The following UGT2B11 variants were observed in gnomAD, a reference collection of about 807,000 sequenced individuals.
UGT2B11 encodes UDP-glucuronosyltransferase 2B11.
A neutral mutation model predicts 51.7 loss-of-function variants in UGT2B11; 49 were observed. The ratio of observed to expected loss-of-function variants is 0.95; its 90% confidence interval spans 0.75 to 1.20. The LOEUF (loss-of-function observed/expected upper bound fraction) is 1.20. Ranked by LOEUF, UGT2B11 falls within the 50% of genes most tolerant of loss-of-function variation. UGT2B11 has a pLI of 0.00. For missense variants in UGT2B11, 810 were observed against 622.1 expected, an observed-to-expected ratio of 1.30 and a Z score of -3.21; for synonymous variants, 273 against 209.0, an observed-to-expected ratio of 1.31 and a Z score of -2.64.
At chr4:69,219,910 A>C in the UGT2B11 span, among the ~76,000 whole-genome samples, 3 of 151,932 alleles carry the variant, frequency 2.0e-5, no homozygotes, top group East Asian at 1.9e-4. Context: ...TTTCAAAACC[A>C]ATCCTGCAGT....
chr4:69,221,873 A>G, the UGT2B11 span, among the ~76,000 whole-genome samples: 1 of 152,228 alleles, frequency 6.6e-6, no homozygotes, highest in Admixed American at 6.5e-5. Context: ...CTGTTGCTGA[A>G]TCATCTGGGT....
chr4:69,203,485 A>G (rs1721735115), intron 5 of UGT2B11, among the ~76,000 whole-genome samples: 1 of 151,748 alleles, frequency 6.6e-6, no homozygotes, highest in African/African-American at 2.4e-5. Context: ...TGAGGCAGCA[A>G]TTCCACTTAT....
chr4:69,212,885 T>C (rs1174086813), intron 1 of UGT2B11, among the ~76,000 whole-genome samples, 164 bp from the exon 2 acceptor site: 1 of 150,784 alleles, frequency 6.6e-6, no homozygotes. Context: ...TATTATATAT[T>C]TTGTCCATGT....
intron 2 of UGT2B11, among the ~76,000 whole-genome samples, chr4:69,210,573 C>G (rs1722023779): frequency 6.6e-6 from 1 of 151,528 alleles, no homozygotes; most frequent in African/African-American, 2.4e-5. Flanking sequence ...TATTGTACTA[C>G]TAGTCAACCT....
chr4:69,211,817 C>T (rs62298954), intron 2 of UGT2B11, among the ~76,000 whole-genome samples: 20,022 of 151,330 alleles, frequency 0.13, 1,487 homozygotes, highest in African/African-American at 0.17. Context: ...AAAAGAGAAT[C>T]GTTTCATATA....
chr4:69,222,371 T>C, the UGT2B11 span, among the ~76,000 whole-genome samples: 1 of 137,164 alleles, frequency 7.3e-6, no homozygotes, highest in African/African-American at 2.6e-5. Flanking sequence ...TCCTTTCCCT[T>C]TGTAATTGTG....
At position 69,214,298 on chromosome 4, in the gene UGT2B11, T is replaced by G. The variant is rs1722186894; in HGVS notation, c.425A>C (p.Glu142Ala). The G allele has an allele frequency of 1.2e-6, 2 of 1,613,108 alleles. No individual in the cohort carries two copies. The highest frequency in any genetic ancestry group is 1.7e-6 in the Non-Finnish European group (2 of 1,179,502). ...SNKKVMKKLQ[E>A]SRFDIVFADA... ...TGCAAAAACGATGTCAAATCTTGAC[T>G]CTTGTAGTTTTTTCATAACTTTCTT... Residue 142 changes from glutamate to alanine, a missense_variant, in exon 1 of 6, where the codon GAG becomes GCG. Coordinates refer to ENST00000446444, the MANE Select transcript of UGT2B11 (RefSeq NM_001073.3).
upstream of UGT2B11, among the ~76,000 whole-genome samples, chr4:69,218,804 T>C (rs1722337372): frequency 6.6e-6 from 1 of 152,064 alleles, no homozygotes; most frequent in Non-Finnish European, 1.5e-5. Flanking sequence ...GTTTTTCTTA[T>C]ATAGGAGTTG....
intron 1 of UGT2B11, 122 bp from the exon 2 acceptor site, chr4:69,212,843 A>T: frequency 1.1e-6 from 1 of 869,680 alleles, no homozygotes. Context: ...TTTGAAAAAT[A>T]TATAAATATA....
chr4:69,222,383 A>G, the UGT2B11 span, among the ~76,000 whole-genome samples: 2 of 152,244 alleles, frequency 1.3e-5, no homozygotes, highest in East Asian at 3.9e-4. Flanking sequence ...GTAATTGTGG[A>G]TAGCATTGAG....
intron 1 of UGT2B11, among the ~76,000 whole-genome samples, chr4:69,213,667 A>G (rs1308886570): frequency 1.3e-5 from 2 of 151,892 alleles, no homozygotes; most frequent in Admixed American, 6.6e-5. Context: ...CTATGCATTC[A>G]GTAAGATGTT....
upstream of UGT2B11, chr4:69,216,828 G>C (rs1485085897): frequency 6.6e-6 from 1 of 152,060 alleles, no homozygotes; most frequent in Non-Finnish European, 1.5e-5. Context: ...GCTGTCTCCA[G>C]AACAAGAGAT....
chr4:69,203,831 C>G (rs867309180), intron 5 of UGT2B11, among the ~76,000 whole-genome samples: 1 of 151,534 alleles, frequency 6.6e-6, no homozygotes, highest in Non-Finnish European at 1.5e-5. Flanking sequence ...TGGTGTTAGA[C>G]TAGGACTAAG....
At chr4:69,204,783 A>G (rs1328115010) in intron 4 of UGT2B11, 134 bp from the exon 5 acceptor site, 2 of 1,390,762 alleles carry the variant, frequency 1.4e-6, no homozygotes, top group Non-Finnish European at 2.0e-6. Flanking sequence ...ACTTCAGATG[A>G]AAAAGCACGT....
In UGT2B11 at chr4:69,200,138, T is replaced by A. The variant is rs1354734491; in HGVS notation, c.*302A>T. On this transcript the variant is annotated 3_prime_UTR_variant, in exon 6 of 6. Coordinates refer to ENST00000446444, the MANE Select transcript of UGT2B11 (RefSeq NM_001073.3). ...TAAATTTTTTCATGTAACTTGTGAA[T>A]TCAAACAACAAATCTCAATATAAGT... 4.6e-6 allele frequency: 1 copy of A among 216,422 alleles called. No homozygotes were observed. The highest frequency in any genetic ancestry group is 8.7e-6 in the Non-Finnish European group (1 of 115,098). The allele number at this position is 216,422 out of a possible 1,614,324, so 13.4% of individuals were successfully genotyped here. A position where few individuals can be genotyped will look rare whatever the true frequency, so the allele number is the denominator to read the frequency against.
chr4:69,205,567 C>T lies in UGT2B11; in HGVS notation c.1003G>A (p.Val335Ile), dbSNP rs762266038. Residue 335 changes from valine to isoleucine, a missense_variant and splice_region_variant, in exon 4 of 6, where the codon GTT (valine) becomes ATT (isoleucine). Coordinates refer to ENST00000446444, the MANE Select transcript of UGT2B11 (RefSeq NM_001073.3). Reference protein sequence around the residue: ...ATALAKIPQKVLWRFDGNKPD... With the variant: ...ATALAKIPQKILWRFDGNKPD... ...TTATTCCCGTCAAATCTCCACAGAA[C>T]CTGTTACAGTAAAGAGAATATCTTA... 2 of 1,609,342 alleles carry T rather than the reference C, an allele frequency of 1.2e-6. No homozygotes were observed. The highest frequency in any genetic ancestry group is 1.8e-4 in the Middle Eastern group (1 of 5,564).
Position 69,200,650 on chromosome 4 carries a change from T to G in UGT2B11, c.1380A>C (p.Ala460=). 1 of 1,612,448 alleles carries G rather than the reference T, an allele frequency of 6.2e-7. No individual in the cohort carries two copies. ...HDQPVKPLDR[A]VFWIEFVMPH... ...GCATGACAAATTCAATCCAGAAGAC[T>G]GCTCGATCCAGGGGCTTTACTGGTT... Residue 460 remains alanine (A), a synonymous_variant, in exon 6 of 6, where the codon GCA becomes GCC. Coordinates refer to ENST00000446444, the MANE Select transcript of UGT2B11 (RefSeq NM_001073.3).
chr4:69,201,026 C>A, intron 5 of UGT2B11: 3 of 215,408 alleles, frequency 1.4e-5, no homozygotes, highest in Admixed American at 5.4e-5. Flanking sequence ...TTTGTGGGTC[C>A]ATATTAAGTG....
At chr4:69,205,768 A>T in intron 3 of UGT2B11, 1 of 553,662 alleles carries the variant, frequency 1.8e-6, no homozygotes, top group Non-Finnish European at 2.8e-6. Flanking sequence ...GATTTTCCAA[A>T]ACAGTACCAT....
Sources: gnomAD v4.1 joint callset for allele counts (sites outside exome capture counted in the v4.1 genomes callset) on GRCh38, gnomAD v4.1.1 for gene constraint, MANE v1.5 for transcripts, NCBI Gene and HGNC (gene_info 2026-07-23, HGNC 2026-07-21) for gene names.